The following PSMB7 variants were observed in gnomAD, a reference collection of about 807,000 sequenced individuals.
The protein encoded by PSMB7 is proteasome subunit beta type-7.
Under a neutral mutation model 28.1 loss-of-function variants are expected in PSMB7, and 5 were observed. The ratio of observed to expected loss-of-function variants is 0.18; its 90% CI spans 0.09 to 0.37. The LOEUF (loss-of-function observed/expected upper bound fraction) is 0.37. Among genes scored for constraint, PSMB7 ranks in the 10% least tolerant of loss-of-function variants. PSMB7 has a pLI of 1.00. For missense variants in PSMB7, 275 were observed against 346.2 expected, an observed-to-expected ratio of 0.79 and a Z score of 1.63; for synonymous variants, 122 against 123.7, an observed-to-expected ratio of 0.99 and a Z score of 0.09.
At chr9:124,381,680 G>C (rs959634869) in intron 6 of PSMB7, among the ~76,000 whole-genome samples, 95 of 152,196 alleles carry the variant, frequency 6.2e-4, no homozygotes, top group African/African-American at 2.2e-3. Context: ...GTTGTTATGA[G>C]TTCTATACAG....
chr9:124,363,372 T>G (rs978105330), intron 6 of PSMB7, among the ~76,000 whole-genome samples: 1 of 151,640 alleles, frequency 6.6e-6, no homozygotes, highest in East Asian at 1.9e-4. Flanking sequence ...TTGAATACAA[T>G]TGAAAGAGCT....
At chr9:124,399,009 C>CAAA (rs34386702) in intron 5 of PSMB7, among the ~76,000 whole-genome samples, 9 of 129,284 alleles carry the variant, frequency 7.0e-5, no homozygotes, top group African/African-American at 2.3e-4. Flanking sequence ...AAGCTTTAAC[C>CAAA]AAAAAAAAAA....
chr9:124,410,440 CAT>C (rs1488250105), intron 4 of PSMB7, among the ~76,000 whole-genome samples: 9 of 152,154 alleles, frequency 5.9e-5, no homozygotes, highest in African/African-American at 2.2e-4. Flanking sequence ...GCCTTTATTA[CAT>C]AGACACATCG....
chr9:124,399,060 C>G (rs1036065171), intron 5 of PSMB7, among the ~76,000 whole-genome samples: 1 of 139,654 alleles, frequency 7.2e-6, no homozygotes, highest in Non-Finnish European at 1.5e-5. Context: ...CAACACTTTA[C>G]AGCTAAACTG....
intron 5 of PSMB7, 72 bp from the exon 6 acceptor site, chr9:124,384,728 G>T: frequency 1.4e-6 from 2 of 1,466,434 alleles, no homozygotes; most frequent in Middle Eastern, 1.7e-4. Context: ...TTACCTAGGG[G>T]CAAGAAAAAC....
intron 5 of PSMB7, among the ~76,000 whole-genome samples, chr9:124,386,593 T>C (rs1030374625): frequency 5.3e-5 from 8 of 152,190 alleles, no homozygotes; most frequent in Non-Finnish European, 1.2e-4. Flanking sequence ...GACTGGTCTC[T>C]TCCAACAAAG....
chr9:124,375,419 C>T (rs557830278), intron 6 of PSMB7, among the ~76,000 whole-genome samples: 19 of 152,262 alleles, frequency 1.2e-4, no homozygotes, highest in South Asian at 2.1e-4. Flanking sequence ...CCGTCTTGGC[C>T]TCCCAGCATG....
At chr9:124,368,836 TGA>T (rs1830533941) in intron 6 of PSMB7, among the ~76,000 whole-genome samples, 1 of 152,222 alleles carries the variant, frequency 6.6e-6, no homozygotes, top group African/African-American at 2.4e-5. Context: ...GGCCATTTCA[TGA>T]GAGTGAGTTT....
chr9:124,379,922 A>G (rs1830649006), intron 6 of PSMB7, among the ~76,000 whole-genome samples: 2 of 152,250 alleles, frequency 1.3e-5, no homozygotes, highest in Non-Finnish European at 2.9e-5. Flanking sequence ...TCTCAAGGCA[A>G]CAGACACATA....
chr9:124,384,367 C>A (rs770527844), intron 6 of PSMB7, among the ~76,000 whole-genome samples: 2 of 152,134 alleles, frequency 1.3e-5, no homozygotes, highest in Non-Finnish European at 2.9e-5. Context: ...AGCCCAAAGC[C>A]CAGAGCAAAA....
At chr9:124,413,877 A>AT in intron 3 of PSMB7, 31 bp downstream of exon 3, 2 of 1,450,914 alleles carry the variant, frequency 1.4e-6, no homozygotes, top group South Asian at 2.3e-5. Flanking sequence ...GTTTGAAAAT[A>AT]TAAGAGTTAT....
intron 5 of PSMB7, among the ~76,000 whole-genome samples, chr9:124,403,663 CA>C (rs1181505425): frequency 6.6e-6 from 1 of 152,092 alleles, no homozygotes; most frequent in Non-Finnish European, 1.5e-5. Flanking sequence ...ACGTTATTTC[CA>C]ACCATTACAA....
At chr9:124,382,544 C>T (rs1462338011) in intron 6 of PSMB7, among the ~76,000 whole-genome samples, 1 of 152,122 alleles carries the variant, frequency 6.6e-6, no homozygotes, top group African/African-American at 2.4e-5. Flanking sequence ...GTGATTTTCA[C>T]TGATTGTCAG....
chr9:124,379,630 G>A (rs547964669), intron 6 of PSMB7, among the ~76,000 whole-genome samples: 36 of 152,270 alleles, frequency 2.4e-4, no homozygotes, highest in Non-Finnish European at 4.6e-4. Context: ...CATCTTGGGC[G>A]TTTACGAATC....
At chr9:124,386,133 A>G (rs1300186407) in intron 5 of PSMB7, among the ~76,000 whole-genome samples, 6 of 150,250 alleles carry the variant, frequency 4.0e-5, no homozygotes, top group Non-Finnish European at 3.0e-5. Context: ...CCTCCTCACA[A>G]TTTTTTTCTC....
chr9:124,391,938 T>G (rs1830792281), intron 5 of PSMB7, among the ~76,000 whole-genome samples: 1 of 152,226 alleles, frequency 6.6e-6, no homozygotes, highest in Non-Finnish European at 1.5e-5. Flanking sequence ...CTGAAATAAT[T>G]TCCTAAAACC....
At chr9:124,398,755 G>A (rs1830867202) in intron 5 of PSMB7, among the ~76,000 whole-genome samples, 1 of 152,154 alleles carries the variant, frequency 6.6e-6, no homozygotes, top group South Asian at 2.1e-4. Context: ...AATCACAGCA[G>A]CTGTGTTGTA....
intron 5 of PSMB7, among the ~76,000 whole-genome samples, chr9:124,388,156 C>A: frequency 6.6e-6 from 1 of 152,182 alleles, no homozygotes; most frequent in Non-Finnish European, 1.5e-5. Context: ...AAAACCAAGG[C>A]GAAAATCTTT....
At chr9:124,371,443 TTCC>T (rs1329153672) in intron 6 of PSMB7, among the ~76,000 whole-genome samples, 2 of 152,240 alleles carry the variant, frequency 1.3e-5, no homozygotes, top group East Asian at 3.8e-4. Flanking sequence ...TCGTGCTGGT[TTCC>T]TCCTCTCCCC....
Sources: gnomAD v4.1 joint callset for allele counts (sites outside exome capture counted in the v4.1 genomes callset) on GRCh38, gnomAD v4.1.1 for gene constraint, MANE v1.5 for transcripts, NCBI Gene and HGNC (gene_info 2026-07-23, HGNC 2026-07-21) for gene names.